The following SRFBP1 variants were observed in gnomAD, a reference collection of about 807,000 sequenced individuals.
The protein encoded by SRFBP1 is serum response factor-binding protein 1.
Under a neutral mutation model 45.5 loss-of-function variants are expected in SRFBP1, and 47 were observed. The ratio of observed to expected loss-of-function variants is 1.03; its 90% CI spans 0.82 to 1.32. The LOEUF is 1.32. SRFBP1 is among the 40% of genes most tolerant of loss of function. The pLI, the probability that SRFBP1 is intolerant of heterozygous loss-of-function variation, is 0.00. For missense variants in SRFBP1, 621 were observed against 484.6 expected, an observed-to-expected ratio of 1.28 and a Z score of -2.64; for synonymous variants, 203 against 166.3, an observed-to-expected ratio of 1.22 and a Z score of -1.70.
intron 2 of SRFBP1, chr5:122,073,873 G>C (rs983480386): frequency 1.3e-6 from 1 of 750,560 alleles, no homozygotes; most frequent in Non-Finnish European, 2.2e-6. Context: ...ATCATCTACA[G>C]TTTTCTTTGA....
downstream of SRFBP1, chr5:122,077,464 G>A (rs764844537): frequency 1.9e-6 from 3 of 1,614,100 alleles, no homozygotes; most frequent in Admixed American, 5.0e-5. This position sits in a 1 kb window ranked among gnomAD's most constrained non-coding sequence, Gnocchi z 4.9. Context: ...AGTACTTGTA[G>A]GGGTTGTAAG....
Position 122,019,333 on chromosome 5 carries a change from T to G in SRFBP1, c.344T>G (p.Val115Gly). Residue 115 changes from valine to glycine, a missense_variant, in exon 5 of 8, where the codon GTG (valine) becomes GGG (glycine). Val to Gly is a moderately radical substitution (Grantham distance 109). Transcript: ENST00000339397. ...VHPLLKKKID[V>G]LKAAVQAFKE... ...CCTCTTCTGAAGAAAAAGATAGATG[T>G]GCTAAAAGGTATGAATTAAATGACT... is the stretch of plus-strand genomic sequence containing the variant. 1 of 1,611,376 alleles carries G rather than the reference T, an allele frequency of 6.2e-7. No homozygotes were observed. Among genetic ancestry groups the G allele is most frequent in the Non-Finnish European group, 8.5e-7 (1 of 1,178,556 alleles).
chr5:122,064,785 T>C (rs1158109909), intron 2 of SRFBP1: 1 of 151,976 alleles, frequency 6.6e-6, no homozygotes, highest in Non-Finnish European at 1.5e-5. Flanking sequence ...TGATGATGGA[T>C]GGATAGACAG....
chr5:122,003,238 A>G (rs779181148), intron 4 of SRFBP1, among the ~76,000 whole-genome samples: 1 of 151,906 alleles, frequency 6.6e-6, no homozygotes, highest in African/African-American at 2.4e-5. Flanking sequence ...TCAACTACTC[A>G]GGAGGCTACA....
chr5:122,058,627 G>A (rs569983111), intron 2 of SRFBP1, among the ~76,000 whole-genome samples: 3 of 149,688 alleles, frequency 2.0e-5, no homozygotes, highest in South Asian at 2.1e-4. Flanking sequence ...AATACCTATC[G>A]TTATATATCT....
At chr5:122,077,055 T>A, downstream of SRFBP1, 1 of 1,600,936 alleles carries the variant, frequency 6.2e-7, no homozygotes, top group South Asian at 1.1e-5. The surrounding 1 kb of genome is among the most constrained non-coding windows in gnomAD (Gnocchi z 4.9). Context: ...CGCCCCCCGC[T>A]CCAACTCCCT....
At chr5:121,988,646 A>T (rs1464245805) in intron 3 of SRFBP1, among the ~76,000 whole-genome samples, 1 of 152,196 alleles carries the variant, frequency 6.6e-6, no homozygotes, top group African/African-American at 2.4e-5. Context: ...TGCATGGCTG[A>T]CCTCAGCTAT....
At chr5:122,029,627 T>C (rs559918483), downstream of SRFBP1, among the ~76,000 whole-genome samples, 175 of 152,286 alleles carry the variant, frequency 1.1e-3, no homozygotes, top group South Asian at 0.02. Flanking sequence ...CTGAGCTCTT[T>C]TGGGGTTCTT....
intron 2 of SRFBP1, among the ~76,000 whole-genome samples, chr5:122,061,428 G>A (rs1238816087): frequency 3.3e-5 from 5 of 150,154 alleles, no homozygotes; most frequent in Non-Finnish European, 5.9e-5. Context: ...TCCAAATTTT[G>A]TGCCTACTTC....
downstream of SRFBP1, chr5:122,078,320 C>G (rs1284914824): frequency 4.5e-6 from 1 of 221,978 alleles, no homozygotes; most frequent in Non-Finnish European, 8.7e-6. Flanking sequence ...TTACACAAGC[C>G]GTTCTGGCCC....
intron 2 of SRFBP1, among the ~76,000 whole-genome samples, chr5:122,053,694 A>G (rs992376661): frequency 1.3e-5 from 2 of 151,266 alleles, no homozygotes; most frequent in Admixed American, 1.3e-4. Flanking sequence ...GGATGGGTGG[A>G]GTGTCATGCA....
chr5:121,964,934 T>C (rs1175922835), intron 1 of SRFBP1, among the ~76,000 whole-genome samples: 2 of 152,234 alleles, frequency 1.3e-5, no homozygotes, highest in Non-Finnish European at 2.9e-5. Flanking sequence ...TGCATATCTC[T>C]AATGACCACT....
intron 2 of SRFBP1, among the ~76,000 whole-genome samples, chr5:122,057,366 T>C (rs1461886987): frequency 1.3e-5 from 2 of 152,136 alleles, no homozygotes; most frequent in East Asian, 3.9e-4. Context: ...TATCAAGTTT[T>C]CAGGTTATTA....
chr5:122,046,026 T>A (rs1181422688), intron 2 of SRFBP1, among the ~76,000 whole-genome samples: 2 of 152,112 alleles, frequency 1.3e-5, no homozygotes, highest in Non-Finnish European at 1.5e-5. Context: ...AAAAGTATGA[T>A]CCTTCAATGC....
rs77928596 is a variant in SRFBP1 at position 122,038,693 on chromosome 5, A to C, written n.311+16286A>C. ...GGACAAAGGAAGGAAAATGCAAGGCAGGCTTGAAAACTTTATTTAGGAAAG... is the reference window on the plus strand; with the variant it reads ...GGACAAAGGAAGGAAAATGCAAGGCCGGCTTGAAAACTTTATTTAGGAAAG... On this transcript the variant is annotated intron_variant and non_coding_transcript_variant, in intron 2 of 2. Transcript: ENST00000504881. 5.0e-3 allele frequency among the ~76,000 whole-genome samples: 758 copies of C among 152,328 alleles called. 10 individuals are homozygous for C. The highest frequency in any genetic ancestry group is 0.017 in the African/African-American group (715 of 41,574).
chr5:121,974,134 A>G (rs1752253792), intron 1 of SRFBP1, 62 bp from the exon 2 acceptor site: 1 of 1,170,218 alleles, frequency 8.5e-7, no homozygotes, highest in Non-Finnish European at 1.3e-6. Flanking sequence ...AAGACTCAAA[A>G]TAAAGTGTGT....
In SRFBP1 at chr5:122,019,307, T is replaced by A. The variant is rs780314739; in HGVS notation, c.318T>A (p.His106Gln). 1.9e-6 allele frequency: 3 copies of A among 1,612,426 alleles called. No homozygotes were observed. Among genetic ancestry groups the A allele is most frequent in the Middle Eastern group, 1.6e-4 (1 of 6,068 alleles). ...GAGCAATTGCCAGACTAGCAGTACATCCTCTTCTGAAGAAAAAGATAGATG... is the reference window on the plus strand; with the variant it reads ...GAGCAATTGCCAGACTAGCAGTACAACCTCTTCTGAAGAAAAAGATAGATG... ...TERAIARLAV[H>Q]PLLKKKIDVL... The change falls in exon 5 of 8, where the codon CAT (histidine) becomes CAA (glutamine). Residue 106 changes from histidine to glutamine, a missense_variant. Physicochemically the swap from His to Gln is conservative, Grantham distance 24. Coordinates refer to ENST00000339397, the MANE Select transcript of SRFBP1 (RefSeq NM_152546.3).
intron 2 of SRFBP1, among the ~76,000 whole-genome samples, chr5:122,048,253 G>C (rs1052147024): frequency 1.3e-5 from 2 of 152,118 alleles, no homozygotes; most frequent in African/African-American, 4.8e-5. Context: ...TTTTTCACAT[G>C]AAGGTTGTTG....
At chr5:122,000,428 T>G (rs1320744437) in intron 4 of SRFBP1, among the ~76,000 whole-genome samples, 2 of 152,096 alleles carry the variant, frequency 1.3e-5, no homozygotes, top group Non-Finnish European at 2.9e-5. Flanking sequence ...TTTCTGCTGG[T>G]GTATTTGTTT....
Sources: allele counts gnomAD v4.1 joint callset (sites outside exome capture counted in the v4.1 genomes callset), GRCh38; gene constraint gnomAD v4.1.1; non-coding constraint Gnocchi (gnomAD v3.1); transcripts MANE v1.5; gene names NCBI Gene and HGNC (gene_info 2026-07-23, HGNC 2026-07-21).